The following ACSF3 variants were observed in gnomAD, a reference collection of about 807,000 sequenced individuals.
ACSF3 encodes acyl-CoA synthetase family member 3.
ACSF3 carries 78 observed loss-of-function variants against 53.2 expected under a neutral mutation model. The observed-to-expected ratio is 1.47, with a 90% CI of 1.22 to 1.77. The LOEUF (loss-of-function observed/expected upper bound fraction) is 1.77, where lower values mean the gene tolerates loss of function less well. Ranked by LOEUF, ACSF3 falls within the 40% of genes most tolerant of loss-of-function variation. The probability of loss-of-function intolerance (pLI) is 0.00; values close to 1 mark genes in which losing one functional copy is unlikely to be tolerated. For missense variants in ACSF3, 937 were observed against 771.1 expected, an observed-to-expected ratio of 1.22 and a Z score of -2.55; for synonymous variants, 414 against 333.1, an observed-to-expected ratio of 1.24 and a Z score of -2.65.
Position 89,154,080 on chromosome 16 carries a change from G to C in ACSF3, c.1614-10G>C, listed in dbSNP as rs370941606. On this transcript the variant is annotated splice_polypyrimidine_tract_variant and intron_variant, in intron 10 of 10. Coordinates refer to ENST00000614302, the MANE Select transcript of ACSF3 (RefSeq NM_001243279.3). ...GGGCAGTGCGCCTCAGGCTGTGCTT[G>C]TCTCTGCAGAAATGTCCTGGCCCCG... is the stretch of plus-strand genomic sequence containing the variant. The C allele has an allele frequency of 8.7e-5, 141 of 1,611,976 alleles. No homozygotes were observed. In the African/African-American group the frequency reaches 1.6e-3, roughly 19 times the overall value.
rs1397582622 is a variant in ACSF3 at position 89,094,002 on chromosome 16, G to GGCGGCGGGGCCCACGGGACC, written c.-194+16_-194+35dup. On this transcript the variant is annotated splice_region_variant and intron_variant, in intron 1 of 10. Coordinates refer to ENST00000614302, the MANE Select transcript of ACSF3 (RefSeq NM_001243279.3). ...TGGCCGCGGCCGTCTCGTAGGTGCG[G>GGCGGCGGGGCCCACGGGACC]GCGGCGGGGCCCACGGGACCGCGGC... 5.3e-6 allele frequency: 1 copy of GGCGGCGGGGCCCACGGGACC among 187,140 alleles called. No homozygotes were observed. The highest frequency in any genetic ancestry group is 1.8e-4 in the East Asian group (1 of 5,596). 11.6% of individuals were successfully genotyped at this position (187,140 alleles called of 1,614,324 possible).
intron 4 of ACSF3, 90 bp from the exon 5 acceptor site, chr16:89,112,002 C>A: frequency 2.2e-6 from 1 of 460,722 alleles, no homozygotes; most frequent in Non-Finnish European, 3.0e-6. Flanking sequence ...GAATGTGAAC[C>A]ATGAGAACGC....
rs760524726 is a variant in ACSF3 at position 89,133,153 on chromosome 16, A to C, written c.1257A>C (p.Glu419Asp). 2 of 1,614,002 alleles carry C rather than the reference A, an allele frequency of 1.2e-6. No homozygotes were observed. The highest frequency in any genetic ancestry group is 1.3e-5 in the African/African-American group (1 of 75,040). Residue 419 changes from glutamate (E) to aspartate (D), a missense_variant, in exon 8 of 11, where the codon GAA becomes GAC. Transcript: ENST00000614302. The stretch of plus-strand genomic sequence containing the variant: ...CTCCACAGGTGACCCCAGGGTTTGA[A>C]GAAAAGGAGGGGGAGCTGCTGGTGA... ...ERGTKVTPGF[E>D]EKEGELLVRG...
chr16:89,118,644 TGAATAATTCATGGCC>T (rs1905819594), intron 6 of ACSF3, among the ~76,000 whole-genome samples: 1 of 152,206 alleles, frequency 6.6e-6, no homozygotes, highest in South Asian at 2.1e-4. Context: ...TGGAGGGAGA[TGAATAATTCATGGCC>T]GACCACTGCT....
At position 89,101,014 on chromosome 16, in the gene ACSF3, C is replaced by G. The variant is rs1267933456; in HGVS notation, c.333C>G (p.Ala111=). ...CTAACGATGCCTCCTACGTCGTGGC[C>G]CAGTGGGCGTCATGGATGAGTGGCG... ...LCANDASYVV[A]QWASWMSGGV... Residue 111 remains alanine, a synonymous_variant, in exon 3 of 11, where the codon GCC becomes GCG. Coordinates refer to ENST00000614302, the MANE Select transcript of ACSF3 (RefSeq NM_001243279.3). 6.2e-7 allele frequency: 1 copy of G among 1,613,784 alleles called. No homozygotes were observed. Among genetic ancestry groups the G allele is most frequent in the Admixed American group, 1.7e-5 (1 of 60,028 alleles).
chr16:89,101,831 G>GT (rs1975381191), intron 3 of ACSF3, among the ~76,000 whole-genome samples: 1 of 152,234 alleles, frequency 6.6e-6, no homozygotes, highest in Non-Finnish European at 1.5e-5. Context: ...AAGCAATCAA[G>GT]TAAAAATGAA....
At chr16:89,121,155 G>A (rs368544488) in intron 7 of ACSF3, among the ~76,000 whole-genome samples, 22 of 152,378 alleles carry the variant, frequency 1.4e-4, no homozygotes, top group African/African-American at 4.8e-4. Context: ...AGGGCGGAAC[G>A]CCAAAGGGAC....
chr16:89,097,739 G>T (rs113057801), intron 1 of ACSF3, among the ~76,000 whole-genome samples: 2 of 149,854 alleles, frequency 1.3e-5, no homozygotes, highest in African/African-American at 4.9e-5. Context: ...GTGTGTGGGC[G>T]GACCAGCCAC....
intron 7 of ACSF3, among the ~76,000 whole-genome samples, chr16:89,129,672 C>T (rs541223798): frequency 6.6e-6 from 1 of 152,156 alleles, no homozygotes; most frequent in African/African-American, 2.4e-5. Flanking sequence ...TACTATTGTT[C>T]CCTGAGAGTT....
At chr16:89,133,081 C>G (rs1412517171) in intron 7 of ACSF3, 55 bp from the exon 8 acceptor site, 1 of 1,611,338 alleles carries the variant, frequency 6.2e-7, no homozygotes, top group Non-Finnish European at 8.5e-7. Flanking sequence ...TCAGAAAGCA[C>G]CAATCCCAAG....
At chr16:89,146,552 C>T (rs927267819) in intron 10 of ACSF3, among the ~76,000 whole-genome samples, 2 of 152,230 alleles carry the variant, frequency 1.3e-5, no homozygotes, top group African/African-American at 2.4e-5. Context: ...TCTCCCTCTC[C>T]TGCCCTGGGG....
Position 89,133,127 on chromosome 16 carries a change from C to T in ACSF3, c.1240-9C>T. ...CAGCTCTGACCTCCATGTTCTTCAT[C>T]CTCCACAGGTGACCCCAGGGTTTGA... On this transcript the variant is annotated splice_polypyrimidine_tract_variant and intron_variant, in intron 7 of 10. Coordinates refer to ENST00000614302, the MANE Select transcript of ACSF3 (RefSeq NM_001243279.3). The T allele has an allele frequency of 6.2e-7, 1 of 1,613,544 alleles. No homozygotes were observed. The highest frequency in any genetic ancestry group is 1.3e-5 in the African/African-American group (1 of 75,012).
At chr16:89,112,875 C>G (rs1047053691) in intron 5 of ACSF3, among the ~76,000 whole-genome samples, 4 of 152,268 alleles carry the variant, frequency 2.6e-5, no homozygotes, top group African/African-American at 9.6e-5. Flanking sequence ...GTGGGCAGCC[C>G]TGTGAGGCCT....
At chr16:89,118,051 A>C (rs1181431688) in intron 6 of ACSF3, among the ~76,000 whole-genome samples, 1 of 146,152 alleles carries the variant, frequency 6.8e-6, no homozygotes, top group African/African-American at 2.6e-5. Flanking sequence ...TCTAAGGCAG[A>C]GCCCACGGCA....
At chr16:89,101,853 A>G (rs1308319190) in intron 3 of ACSF3, among the ~76,000 whole-genome samples, 1 of 152,240 alleles carries the variant, frequency 6.6e-6, no homozygotes, top group East Asian at 1.9e-4. Context: ...ACCAAAAGCC[A>G]GGAAGGGGAA....
At chr16:89,146,421 C>T (rs1016688186) in intron 10 of ACSF3, among the ~76,000 whole-genome samples, 5 of 152,142 alleles carry the variant, frequency 3.3e-5, no homozygotes, top group African/African-American at 1.2e-4. Context: ...CAGCTGGCCG[C>T]ACGCGCTGGG....
intron 7 of ACSF3, 66 bp from the exon 8 acceptor site, chr16:89,133,070 T>A: frequency 1.2e-6 from 2 of 1,609,864 alleles, no homozygotes; most frequent in Non-Finnish European, 1.7e-6. Flanking sequence ...AGCCCACAGT[T>A]TCAGAAAGCA....
chr16:89,138,482 G>T (rs995107254), intron 8 of ACSF3, among the ~76,000 whole-genome samples: 2 of 152,216 alleles, frequency 1.3e-5, no homozygotes, highest in Non-Finnish European at 2.9e-5. Flanking sequence ...TGCGCCAAGG[G>T]TGCCGACCAA....
At chr16:89,111,233 G>A (rs1390641250) in intron 4 of ACSF3, among the ~76,000 whole-genome samples, 1 of 152,232 alleles carries the variant, frequency 6.6e-6, no homozygotes, top group African/African-American at 2.4e-5. Flanking sequence ...GACTTTGAAG[G>A]GTTCCAGTCT....
Sources: allele counts gnomAD v4.1 joint callset (sites outside exome capture counted in the v4.1 genomes callset), GRCh38; gene constraint gnomAD v4.1.1; transcripts MANE v1.5; gene names NCBI Gene and HGNC (gene_info 2026-07-23, HGNC 2026-07-21).